DGKB: variants seen among roughly 807,000 people sequenced by gnomAD.
DGKB encodes 90 kDa diacylglycerol kinase.
In DGKB, 67 loss-of-function variants were observed where a neutral mutation model predicts 114.3. The ratio of observed to expected loss-of-function variants is 0.59; its 90% confidence interval spans 0.48 to 0.72. The LOEUF (loss-of-function observed/expected upper bound fraction) is 0.72. DGKB is among the 30% of genes least tolerant of loss of function. DGKB has a pLI of 0.00. For missense variants in DGKB, 907 were observed against 975.2 expected, an observed-to-expected ratio of 0.93 and a Z score of 0.93; for synonymous variants, 398 against 323.1, an observed-to-expected ratio of 1.23 and a Z score of -2.49.
At chr7:14,576,886 A>C (rs1799206165) in intron 19 of DGKB, among the ~76,000 whole-genome samples, 1 of 152,212 alleles carries the variant, frequency 6.6e-6, no homozygotes, top group Non-Finnish European at 1.5e-5. Context: ...AAGTAGAAAG[A>C]GGCAATAAAT....
At chr7:14,436,276 A>G (rs1289092622) in intron 21 of DGKB, among the ~76,000 whole-genome samples, 1 of 152,152 alleles carries the variant, frequency 6.6e-6, no homozygotes, top group Non-Finnish European at 1.5e-5. Context: ...AATTTCCCAT[A>G]CCAAAGATTA....
At chr7:14,361,245 C>T (rs1408059144) in intron 21 of DGKB, among the ~76,000 whole-genome samples, 1 of 151,906 alleles carries the variant, frequency 6.6e-6, no homozygotes, top group Non-Finnish European at 1.5e-5. Context: ...ATGCTAGAAA[C>T]AGAAAAAACA....
At chr7:14,973,816 A>C (rs1787638596) in intron 1 of DGKB, among the ~76,000 whole-genome samples, 1 of 148,428 alleles carries the variant, frequency 6.7e-6, no homozygotes, top group Admixed American at 6.7e-5. Flanking sequence ...TAGGTTGTGT[A>C]TATATAAATT....
chr7:14,924,776 C>T (rs1264377295), intron 1 of DGKB, among the ~76,000 whole-genome samples: 1 of 152,076 alleles, frequency 6.6e-6, no homozygotes, highest in Non-Finnish European at 1.5e-5. Flanking sequence ...GAGTCCCAAA[C>T]AGTAATAAGA....
intron 13 of DGKB, among the ~76,000 whole-genome samples, chr7:14,633,859 C>T (rs953529446): frequency 6.6e-6 from 1 of 151,558 alleles, no homozygotes; most frequent in African/African-American, 2.4e-5. Context: ...GCCTTCAGGG[C>T]ACTCATTAAG....
chr7:14,673,400 CTTT>C (rs374138480), intron 12 of DGKB, among the ~76,000 whole-genome samples: 36 of 131,030 alleles, frequency 2.7e-4, no homozygotes, highest in Middle Eastern at 4.0e-3. Context: ...CCTGTGTATG[CTTT>C]TTTTTTTTTT....
chr7:14,233,456 A>T (rs2128345687), intron 23 of DGKB, among the ~76,000 whole-genome samples: 1 of 152,070 alleles, frequency 6.6e-6, no homozygotes, highest in Admixed American at 6.6e-5. Flanking sequence ...CCTTTTTGCT[A>T]TCTTGCAAGC....
chr7:14,892,160 G>A (rs1781339851), intron 1 of DGKB, among the ~76,000 whole-genome samples: 1 of 151,324 alleles, frequency 6.6e-6, no homozygotes, highest in African/African-American at 2.4e-5. Flanking sequence ...ATTGGTGGGA[G>A]GAAGAGAGAG....
chr7:14,422,418 G>A (rs1826856696), intron 21 of DGKB, among the ~76,000 whole-genome samples: 1 of 151,990 alleles, frequency 6.6e-6, no homozygotes, highest in African/African-American at 2.4e-5. Flanking sequence ...AAATACATGT[G>A]TACTTTTTGA....
chr7:14,654,628 T>C (rs1334092309), intron 13 of DGKB, among the ~76,000 whole-genome samples: 3 of 152,012 alleles, frequency 2.0e-5, no homozygotes, highest in Non-Finnish European at 2.9e-5. Flanking sequence ...CTTCCAAGTA[T>C]ATCACAAAGC....
At chr7:14,493,258 C>T (rs1380149172) in intron 20 of DGKB, among the ~76,000 whole-genome samples, 2 of 151,992 alleles carry the variant, frequency 1.3e-5, no homozygotes, top group African/African-American at 2.4e-5. Context: ...ACAGGGTATA[C>T]ATTCTAAGAC....
chr7:14,780,591 A>G (rs1838933305), intron 2 of DGKB, among the ~76,000 whole-genome samples: 1 of 151,808 alleles, frequency 6.6e-6, no homozygotes, highest in South Asian at 2.1e-4. Context: ...CCCATGCTGT[A>G]TTTTAGTTTG....
At chr7:14,328,511 G>A (rs2128552949) in intron 23 of DGKB, among the ~76,000 whole-genome samples, 1 of 152,068 alleles carries the variant, frequency 6.6e-6, no homozygotes, top group East Asian at 1.9e-4. Flanking sequence ...AAATGGAATT[G>A]TTCAAAGATA....
chr7:14,188,205 A>G (rs1174012726), intron 23 of DGKB, among the ~76,000 whole-genome samples: 1 of 152,212 alleles, frequency 6.6e-6, no homozygotes, highest in African/African-American at 2.4e-5. Flanking sequence ...AAGAAAGCCT[A>G]CAGGACTTAT....
chr7:14,550,939 T>C (rs1795016267), intron 20 of DGKB, among the ~76,000 whole-genome samples: 1 of 152,200 alleles, frequency 6.6e-6, no homozygotes, highest in South Asian at 2.1e-4. Context: ...AGACAAAAAA[T>C]TCTTCCTTTT....
At chr7:14,312,110 A>G (rs6947472) in intron 23 of DGKB, among the ~76,000 whole-genome samples, 61,237 of 152,016 alleles carry the variant, frequency 0.4, 13,764 homozygotes, top group South Asian at 0.57. Context: ...AAAAAGAAAA[A>G]TCAGAATCAG....
intron 25 of DGKB, among the ~76,000 whole-genome samples, chr7:14,166,849 C>T (rs1307050216): frequency 1.3e-5 from 2 of 151,916 alleles, no homozygotes; most frequent in Non-Finnish European, 2.9e-5. Flanking sequence ...CAAGAAAAAC[C>T]CTGTCCTACT....
At chr7:14,658,026 T>C (rs977967908) in intron 13 of DGKB, among the ~76,000 whole-genome samples, 1 of 152,018 alleles carries the variant, frequency 6.6e-6, no homozygotes, top group Non-Finnish European at 1.5e-5. Context: ...TAACATACTC[T>C]ATGCTATTTA....
At chr7:14,704,519 T>C (rs1240333232) in intron 6 of DGKB, among the ~76,000 whole-genome samples, 1 of 150,472 alleles carries the variant, frequency 6.6e-6, no homozygotes, top group Non-Finnish European at 1.5e-5. Context: ...ACAGCTCCGG[T>C]CTACAGCTCC....
Sources: allele counts gnomAD v4.1 joint callset (sites outside exome capture counted in the v4.1 genomes callset), GRCh38; gene constraint gnomAD v4.1.1; transcripts MANE v1.5; gene names NCBI Gene and HGNC (gene_info 2026-07-23, HGNC 2026-07-21).